Variants in MICOS10 observed in about 807,000 individuals in gnomAD.
The protein encoded by MICOS10 is mitochondrial contact site and cristae organizing system subunit 10, also known as MICOS complex subunit MIC10.
In MICOS10, 5 loss-of-function variants were observed where a neutral mutation model predicts 13.4. The observed-to-expected ratio is 0.37, with a 90% CI of 0.20 to 0.78. The LOEUF is 0.78. MICOS10 is among the 30% of genes least tolerant of loss of function. The pLI is 0.47. For missense variants in MICOS10, 101 were observed against 94.6 expected (o/e 1.07, Z -0.28); for synonymous variants, 35 against 33.6 (o/e 1.04, Z -0.15).
At position 19,597,142 on chromosome 1, in the gene MICOS10, G is replaced by A. The variant is rs781720603; in HGVS notation, c.64+33G>A. 12 of 1,586,730 alleles carry A rather than the reference G, an allele frequency of 7.6e-6. No individual in the cohort carries two copies. In the African/African-American group the frequency reaches 1.4e-4, roughly 18 times the overall value. On this transcript the variant is annotated intron_variant, in intron 1 of 3. Transcript: ENST00000322753. ...GCTTTTCGCCCCAGCAGGCCCGGCC[G>A]GTGCAGAGCTGCTGGCTCCAGGCTG...
Position 19,627,076 on chromosome 1 carries a change from G to T in MICOS10, c.*675G>T, listed in dbSNP as rs2094924471. The T allele has an allele frequency of 6.6e-6, 1 of 152,328 alleles. No individual in the cohort carries two copies. Among genetic ancestry groups the T allele is most frequent in the African/African-American group, 2.4e-5 (1 of 41,452 alleles). The allele number at this position is 152,328 out of a possible 1,614,324, so 9.4% of individuals were successfully genotyped here. ...GTCCAAGCTTCAGCTCTGGAGGGCGGAGGAAAGCTCATGGCATACCCACCT... is the reference window on the plus strand; with the variant it reads ...GTCCAAGCTTCAGCTCTGGAGGGCGTAGGAAAGCTCATGGCATACCCACCT... On this transcript the variant is annotated 3_prime_UTR_variant, in exon 4 of 4. Transcript: ENST00000322753.
intron 1 of MICOS10, chr1:19,600,833 C>A (rs1278266655): frequency 1.7e-6 from 2 of 1,209,026 alleles, no homozygotes; most frequent in Middle Eastern, 2.2e-4. Flanking sequence ...AACTCAGGGT[C>A]CAAACGATCC....
chr1:19,617,316 GT>G, intron 1 of MICOS10: 2 of 984,332 alleles, frequency 2.0e-6, no homozygotes, highest in Non-Finnish European at 2.4e-6. Context: ...CCTCTGTCTA[GT>G]CCAGATAGCC....
At position 19,597,010 on chromosome 1, in the gene MICOS10, C is replaced by T; in HGVS notation, c.-36C>T. 1 of 1,567,692 alleles carries T rather than the reference C, an allele frequency of 6.4e-7. No homozygotes were observed. The highest frequency in any genetic ancestry group is 8.6e-7 in the Non-Finnish European group (1 of 1,160,498). Reference sequence around the variant, plus strand: ...CTTTCAGGGGTCGGAGCGCGGGGGCCGGCCGAGAGGAAAGCTGGAGGCGCG... The same window carrying T: ...CTTTCAGGGGTCGGAGCGCGGGGGCTGGCCGAGAGGAAAGCTGGAGGCGCG... On this transcript the variant is annotated 5_prime_UTR_variant, in exon 1 of 4. Coordinates refer to ENST00000322753, the MANE Select transcript of MICOS10 (RefSeq NM_001032363.4).
At position 19,597,076 on chromosome 1, in the gene MICOS10, G is replaced by A. The variant is rs377291144; in HGVS notation, c.31G>A (p.Asp11Asn). ...TGAGTCGGAGCTCGGCAGGAAGTGGGACCGGTGTCTGGCGGATGCGGTCGT... is the reference window on the plus strand; with the variant it reads ...TGAGTCGGAGCTCGGCAGGAAGTGGAACCGGTGTCTGGCGGATGCGGTCGT... MSESELGRKW[D>N]RCLADAVVKI... The change falls in exon 1 of 4, where the codon GAC becomes AAC. Residue 11 changes from aspartate to asparagine, a missense_variant. Asp to Asn is a conservative substitution (Grantham distance 23). Coordinates refer to ENST00000322753, the MANE Select transcript of MICOS10 (RefSeq NM_001032363.4). 1.2e-5 allele frequency: 19 copies of A among 1,599,932 alleles called. No individual in the cohort carries two copies. Among genetic ancestry groups the A allele is most frequent in the Non-Finnish European group, 1.6e-5 (19 of 1,174,374 alleles).
intron 1 of MICOS10, among the ~76,000 whole-genome samples, chr1:19,613,752 G>C (rs2094872961): frequency 6.6e-6 from 1 of 152,200 alleles, no homozygotes; most frequent in South Asian, 2.1e-4. Context: ...TAGTTTTCCT[G>C]TGGTGGGTTT....
At chr1:19,603,069 C>T (rs927114800) in intron 1 of MICOS10, among the ~76,000 whole-genome samples, 2 of 152,162 alleles carry the variant, frequency 1.3e-5, no homozygotes, top group Non-Finnish European at 2.9e-5. Context: ...CTGGCTCACA[C>T]CTGTAATCCC....
intron 1 of MICOS10, among the ~76,000 whole-genome samples, chr1:19,599,382 G>T (rs2094805285): frequency 6.6e-6 from 1 of 152,162 alleles, no homozygotes; most frequent in Non-Finnish European, 1.5e-5. Context: ...TAATATTATT[G>T]TGCTACTGAA....
rs371041323 is a variant in MICOS10, at chr1:19,596,996, C to T, written c.-50C>T. On this transcript the variant is annotated 5_prime_UTR_variant, in exon 1 of 4. Coordinates refer to ENST00000322753, the MANE Select transcript of MICOS10 (RefSeq NM_001032363.4). Reference sequence around the variant, plus strand: ...CAGCTCTCGCGAGACTTTCAGGGGTCGGAGCGCGGGGGCCGGCCGAGAGGA... The same window carrying T: ...CAGCTCTCGCGAGACTTTCAGGGGTTGGAGCGCGGGGGCCGGCCGAGAGGA... The T allele has an allele frequency of 6.5e-7, 1 of 1,547,378 alleles. No individual in the cohort carries two copies. Among genetic ancestry groups the T allele is most frequent in the South Asian group, 1.2e-5 (1 of 84,672 alleles).
chr1:19,600,076 A>G (rs1012958721), intron 1 of MICOS10, among the ~76,000 whole-genome samples: 2 of 152,138 alleles, frequency 1.3e-5, no homozygotes, highest in African/African-American at 4.8e-5. Flanking sequence ...TTAGGTTGCC[A>G]TTAAAAAAAA....
chr1:19,598,959 G>A (rs771157133), intron 1 of MICOS10, among the ~76,000 whole-genome samples: 2 of 152,022 alleles, frequency 1.3e-5, no homozygotes, highest in African/African-American at 4.8e-5. Flanking sequence ...ATGTTGCCCA[G>A]GTTGGTCTTT....
chr1:19,615,911 A>G (rs1414313286), intron 1 of MICOS10, among the ~76,000 whole-genome samples: 2 of 148,462 alleles, frequency 1.3e-5, no homozygotes, highest in Non-Finnish European at 3.0e-5. Context: ...TCTCCATTGA[A>G]TTTTTTTTTT....
intron 1 of MICOS10, among the ~76,000 whole-genome samples, chr1:19,620,436 A>G (rs2094899049): frequency 6.6e-6 from 1 of 152,260 alleles, no homozygotes. Flanking sequence ...TAAGTAAAAC[A>G]TTGCAATTAA....
intron 1 of MICOS10, among the ~76,000 whole-genome samples, chr1:19,614,173 T>G (rs1247793042): frequency 6.6e-6 from 1 of 152,084 alleles, no homozygotes; most frequent in African/African-American, 2.4e-5. Flanking sequence ...CCTCCCGGGT[T>G]CAAGAATCAA....
At chr1:19,613,047 C>T (rs1410553395) in intron 1 of MICOS10, among the ~76,000 whole-genome samples, 1 of 152,192 alleles carries the variant, frequency 6.6e-6, no homozygotes, top group African/African-American at 2.4e-5. Context: ...TTTGCCTGTA[C>T]TGGTTGTCTT....
intron 1 of MICOS10, among the ~76,000 whole-genome samples, chr1:19,607,649 C>T (rs1440368310): frequency 6.6e-6 from 1 of 152,174 alleles, no homozygotes. Flanking sequence ...TTCCCAGCAA[C>T]TCGGGAAGTT....
intron 1 of MICOS10, 34 bp downstream of exon 1, chr1:19,597,143 G>A (rs1403765668): frequency 1.9e-6 from 3 of 1,588,172 alleles, no homozygotes; most frequent in South Asian, 2.3e-5. Context: ...GGCCCGGCCG[G>A]TGCAGAGCTG....
intron 1 of MICOS10, among the ~76,000 whole-genome samples, chr1:19,603,881 T>C (rs1231921096): frequency 6.6e-6 from 1 of 152,136 alleles, no homozygotes; most frequent in Non-Finnish European, 1.5e-5. Context: ...GTCCCAAAGC[T>C]GGAGAGTTTC....
At chr1:19,608,506 C>T (rs112761161) in intron 1 of MICOS10, 23 of 1,125,984 alleles carry the variant, frequency 2.0e-5, no homozygotes, top group South Asian at 1.2e-4. Flanking sequence ...GGATTGAGGA[C>T]GTCACCCCCA....
Sources: gnomAD v4.1 joint callset for allele counts (sites outside exome capture counted in the v4.1 genomes callset) on GRCh38, gnomAD v4.1.1 for gene constraint, MANE v1.5 for transcripts, NCBI Gene and HGNC (gene_info 2026-07-23, HGNC 2026-07-21) for gene names.